MCF2L2: variants seen among roughly 807,000 people sequenced by gnomAD.
MCF2L2 encodes the protein MCF.2 cell line derived transforming sequence-like 2.
In MCF2L2, 102 loss-of-function variants were observed where a neutral mutation model predicts 150.2. The observed-to-expected ratio is 0.68, with a 90% CI of 0.58 to 0.80. The LOEUF is 0.80. Ranked by LOEUF, MCF2L2 falls within the 30% of genes least tolerant of loss-of-function variation. MCF2L2 has a pLI of 0.00. For missense variants in MCF2L2, 1,256 were observed against 1,372.8 expected, an observed-to-expected ratio of 0.91 and a Z score of 1.34; for synonymous variants, 465 against 491.3, an observed-to-expected ratio of 0.95 and a Z score of 0.71.
Position 183,401,837 on chromosome 3 carries a change from A to G in MCF2L2, c.77-12058T>C, listed in dbSNP as rs551224507. Among the ~76,000 whole-genome samples the G allele has an allele frequency of 1.1e-4, 16 of 152,306 alleles. 1 individual carries two copies. In the South Asian group the frequency reaches 3.3e-3, roughly 32 times the overall value. ...TGCTTGTTCATTCTCCTACTGATGG[A>G]CATTCAGGTTCTTCCCCAACTTGGG... is the stretch of plus-strand genomic sequence containing the variant. On this transcript the variant is annotated intron_variant, in intron 1 of 29. Transcript: ENST00000328913.
intron 1 of MCF2L2, among the ~76,000 whole-genome samples, chr3:183,404,539 A>G (rs2108615285): frequency 6.6e-6 from 1 of 152,252 alleles, no homozygotes; most frequent in South Asian, 2.1e-4. Flanking sequence ...ACACTCTCTA[A>G]TCCAATAATA....
intron 7 of MCF2L2, among the ~76,000 whole-genome samples, chr3:183,313,042 T>C (rs1478509879): frequency 1.3e-5 from 2 of 152,200 alleles, no homozygotes; most frequent in Non-Finnish European, 2.9e-5. Context: ...TCAATGCTCA[T>C]GAAATATTTG....
intron 15 of MCF2L2, among the ~76,000 whole-genome samples, chr3:183,266,342 G>T (rs934305835): frequency 1.6e-4 from 24 of 152,228 alleles, no homozygotes; most frequent in African/African-American, 5.8e-4. Context: ...TGATCCCTGA[G>T]ATTCCAAAGG....
At chr3:183,250,309 G>A (rs528858542) in intron 15 of MCF2L2, among the ~76,000 whole-genome samples, 1 of 152,286 alleles carries the variant, frequency 6.6e-6, no homozygotes, top group Admixed American at 6.5e-5. Flanking sequence ...GGATGGGCTG[G>A]GAGCGGTGGT....
intron 25 of MCF2L2, among the ~76,000 whole-genome samples, chr3:183,196,939 T>C (rs1310314660): frequency 6.6e-6 from 1 of 152,132 alleles, no homozygotes; most frequent in Non-Finnish European, 1.5e-5. Context: ...TGAATAAGTG[T>C]CATATCTTCA....
intron 5 of MCF2L2, among the ~76,000 whole-genome samples, chr3:183,327,207 C>A (rs1270189279): frequency 6.6e-6 from 1 of 151,884 alleles, no homozygotes; most frequent in Non-Finnish European, 1.5e-5. Flanking sequence ...CGCCTGTAAT[C>A]CCAGCTACTT....
chr3:183,423,987 CCTGT>C (rs1447027066), intron 1 of MCF2L2, among the ~76,000 whole-genome samples: 3 of 152,102 alleles, frequency 2.0e-5, no homozygotes, highest in African/African-American at 4.8e-5. Flanking sequence ...CCATATGTGC[CCTGT>C]CTATCAAAAT....
chr3:183,424,941 T>C (rs1716083066), intron 1 of MCF2L2, among the ~76,000 whole-genome samples: 2 of 152,296 alleles, frequency 1.3e-5, no homozygotes, highest in South Asian at 4.1e-4. Context: ...TATTAGGGGA[T>C]AAAGCTAGAA....
At chr3:183,424,858 G>A (rs759855428) in intron 1 of MCF2L2, among the ~76,000 whole-genome samples, 1 of 152,176 alleles carries the variant, frequency 6.6e-6, no homozygotes, top group Non-Finnish European at 1.5e-5. Flanking sequence ...GAAAAGGTCT[G>A]GAAAACATAA....
intron 3 of MCF2L2, among the ~76,000 whole-genome samples, chr3:183,342,286 G>T (rs950638734): frequency 6.6e-6 from 1 of 152,118 alleles, no homozygotes; most frequent in Admixed American, 6.6e-5. Flanking sequence ...GAAGAAGCAC[G>T]GTACAGAGGA....
intron 6 of MCF2L2, among the ~76,000 whole-genome samples, chr3:183,321,437 C>CAAAAAAAA (rs754945400): frequency 6.9e-5 from 6 of 87,148 alleles, no homozygotes; most frequent in Non-Finnish European, 9.8e-5. Flanking sequence ...GACTCTGTCT[C>CAAAAAAAA]AAAAAAAAAA....
chr3:183,239,333 C>A (rs1054904744), intron 15 of MCF2L2, among the ~76,000 whole-genome samples: 25 of 152,080 alleles, frequency 1.6e-4, no homozygotes, highest in African/African-American at 5.6e-4. Flanking sequence ...AGGGATGTTT[C>A]TTCTCTGAAG....
chr3:183,342,201 G>C (rs1307503013), intron 3 of MCF2L2, among the ~76,000 whole-genome samples: 4 of 152,154 alleles, frequency 2.6e-5, no homozygotes, highest in Non-Finnish European at 5.9e-5. Flanking sequence ...CCCCTCTCAA[G>C]TCCTCACGAA....
At chr3:183,362,992 A>T (rs1347579759) in intron 3 of MCF2L2, among the ~76,000 whole-genome samples, 1 of 152,240 alleles carries the variant, frequency 6.6e-6, no homozygotes, top group Non-Finnish European at 1.5e-5. Flanking sequence ...CAAAAGACCT[A>T]AACAGCACCT....
chr3:183,207,356 A>G (rs529938643), intron 23 of MCF2L2, among the ~76,000 whole-genome samples: 1 of 152,274 alleles, frequency 6.6e-6, no homozygotes, highest in African/African-American at 2.4e-5. Flanking sequence ...ACTTTTACTA[A>G]TTAGTTTGTC....
rs867852381 is a variant in MCF2L2 at position 183,360,926 on chromosome 3, A to C, written c.275+18371T>G. Among the ~76,000 whole-genome samples the C allele has an allele frequency of 1.0e-4, 15 of 149,722 alleles. 1 individual carries two copies. In the Middle Eastern group the frequency reaches 0.01, roughly 103 times the overall value. ...AGAGGTTGCAGTGAGCTGAGATAGC[A>C]CCTCCAGCCTGGGCAAGAAGAGTGA... On this transcript the variant is annotated intron_variant, in intron 3 of 29. Transcript: ENST00000328913.
At chr3:183,327,527 C>T (rs1730101191) in intron 5 of MCF2L2, among the ~76,000 whole-genome samples, 1 of 152,204 alleles carries the variant, frequency 6.6e-6, no homozygotes, top group South Asian at 2.1e-4. Flanking sequence ...TGTTATTGAT[C>T]TTTGTAGCCA....
At chr3:183,317,210 CA>C (rs1380689878) in intron 7 of MCF2L2, among the ~76,000 whole-genome samples, 1 of 152,164 alleles carries the variant, frequency 6.6e-6, no homozygotes, top group Non-Finnish European at 1.5e-5. Flanking sequence ...AACCATCTAG[CA>C]AAGCATTTTT....
chr3:183,334,923 G>A (rs1014242984), intron 5 of MCF2L2, among the ~76,000 whole-genome samples: 1 of 151,694 alleles, frequency 6.6e-6, no homozygotes, highest in Non-Finnish European at 1.5e-5. Flanking sequence ...TGGGCAACAT[G>A]GTGAAACTCC....
Sources: allele counts gnomAD v4.1 joint callset (sites outside exome capture counted in the v4.1 genomes callset), GRCh38; gene constraint gnomAD v4.1.1; transcripts MANE v1.5; gene names NCBI Gene and HGNC (gene_info 2026-07-23, HGNC 2026-07-21).